The following URI1 variants were observed in gnomAD, a reference collection of about 807,000 sequenced individuals.
URI1 encodes unconventional prefoldin RPB5 interactor 1.
Under a neutral mutation model 60.2 loss-of-function variants are expected in URI1, and 39 were observed. That is an observed-to-expected ratio of 0.65 (90% CI 0.50 to 0.85). The LOEUF (loss-of-function observed/expected upper bound fraction) is 0.85, where lower values mean the gene tolerates loss of function less well. Ranked by LOEUF, URI1 falls within the 40% of genes least tolerant of loss-of-function variation. The pLI is 0.00. For missense variants in URI1, 691 were observed against 665.9 expected (o/e 1.04, Z -0.42); for synonymous variants, 251 against 236.8 (o/e 1.06, Z -0.55).
chr19:29,959,101 C>T (rs1362274008), intron 1 of URI1, among the ~76,000 whole-genome samples: 2 of 152,086 alleles, frequency 1.3e-5, no homozygotes, highest in Non-Finnish European at 2.9e-5. Flanking sequence ...AGTTTATACA[C>T]TGTTGTTATT....
intron 4 of URI1, among the ~76,000 whole-genome samples, chr19:29,990,764 G>A (rs146590057): frequency 1.1e-3 from 165 of 152,232 alleles, no homozygotes; most frequent in African/African-American, 2.6e-3. Flanking sequence ...ATTTTTAGGG[G>A]CAATGAAAAT....
intron 6 of URI1, among the ~76,000 whole-genome samples, chr19:30,006,250 A>G (rs925668138): frequency 6.6e-6 from 1 of 152,140 alleles, no homozygotes; most frequent in South Asian, 2.1e-4. Context: ...CTGTAAAGCC[A>G]ATGGTTCCTT....
chr19:29,954,693 T>C (rs1468551497), intron 1 of URI1, among the ~76,000 whole-genome samples: 1 of 151,884 alleles, frequency 6.6e-6, no homozygotes, highest in African/African-American at 2.4e-5. Context: ...TTAAAAAATA[T>C]TTTTAGTAGA....
chr19:29,977,646 T>C (rs2055542007), intron 2 of URI1, among the ~76,000 whole-genome samples: 1 of 150,224 alleles, frequency 6.7e-6, no homozygotes, highest in Non-Finnish European at 1.5e-5. Flanking sequence ...TTGGAGTTTC[T>C]GTAGTTGTTT....
At chr19:29,958,462 A>C (rs1458232320) in intron 1 of URI1, among the ~76,000 whole-genome samples, 22 of 152,192 alleles carry the variant, frequency 1.4e-4, no homozygotes, top group Non-Finnish European at 1.5e-5. Context: ...ATGTTTCTTG[A>C]GATAACAATA....
chr19:30,008,965 A>G, intron 7 of URI1, 40 bp from the exon 8 acceptor site: 1 of 1,437,306 alleles, frequency 7.0e-7, no homozygotes, highest in African/African-American at 1.4e-5. Flanking sequence ...GTAAAATTCT[A>G]GTATGTTTGT....
rs750109087 is a variant in URI1, at chr19:30,015,077, C to T, written c.*8C>T. ...TTGCAACAGAAAGACTAGGCCCTGT[C>T]TAGGAAATGGGAATTTACATCCTAA... is the stretch of plus-strand genomic sequence containing the variant. On this transcript the variant is annotated 3_prime_UTR_variant, in exon 11 of 11. Transcript: ENST00000392271. 1.9e-6 allele frequency: 3 copies of T among 1,608,136 alleles called. No individual in the cohort carries two copies. The African/African-American group carries it at 4.0e-5, about 22-fold the overall frequency.
At position 30,015,049 on chromosome 19, in the gene URI1, A is replaced by G; in HGVS notation, c.1588A>G (p.Arg530Gly). 4 of 1,613,506 alleles carry G rather than the reference A, an allele frequency of 2.5e-6. No individual in the cohort carries two copies. Among genetic ancestry groups the G allele is most frequent in the Non-Finnish European group, 3.4e-6 (4 of 1,179,606 alleles). The change falls in exon 11 of 11, where the codon AGA becomes GGA. Residue 530 changes from arginine (R) to glycine (G), a missense_variant. Coordinates refer to ENST00000392271, the MANE Select transcript of URI1 (RefSeq NM_003796.3). ...GKRVSKFKAA[R>G]LQQKD ...GAGGGTTTCAAAGTTTAAAGCTGCC[A>G]GATTGCAACAGAAAGACTAGGCCCT...
chr19:29,970,378 A>G (rs2055444428), intron 1 of URI1, among the ~76,000 whole-genome samples: 3 of 152,024 alleles, frequency 2.0e-5, no homozygotes, highest in African/African-American at 7.2e-5. Context: ...GTAATTTAAA[A>G]GTAGATAATT....
chr19:29,962,987 C>G (rs1034740009), intron 1 of URI1, among the ~76,000 whole-genome samples: 1 of 152,170 alleles, frequency 6.6e-6, no homozygotes, highest in African/African-American at 2.4e-5. Flanking sequence ...CTTGTCACTC[C>G]TTTGAAGGCT....
chr19:29,996,548 T>C (rs2055815407), intron 4 of URI1, among the ~76,000 whole-genome samples: 1 of 152,032 alleles, frequency 6.6e-6, no homozygotes, highest in Admixed American at 6.6e-5. Flanking sequence ...TATCATATGT[T>C]GGTAGTAGAG....
At chr19:29,968,733 G>A (rs189711466) in intron 1 of URI1, among the ~76,000 whole-genome samples, 118 of 151,078 alleles carry the variant, frequency 7.8e-4, no homozygotes, top group Non-Finnish European at 1.2e-3. Flanking sequence ...CACCATGCCC[G>A]GCCATTTTTT....
At chr19:29,964,269 A>G (rs1311615034) in intron 1 of URI1, among the ~76,000 whole-genome samples, 2 of 152,098 alleles carry the variant, frequency 1.3e-5, no homozygotes, top group East Asian at 1.9e-4. Flanking sequence ...TTAAAGAGAT[A>G]ATTTTTGTAT....
At chr19:30,003,851 T>C (rs1323874463) in intron 4 of URI1, among the ~76,000 whole-genome samples, 1 of 152,100 alleles carries the variant, frequency 6.6e-6, no homozygotes, top group East Asian at 1.9e-4. Context: ...TTTGACCTCC[T>C]ACCTAAAATA....
intron 1 of URI1, among the ~76,000 whole-genome samples, chr19:29,960,925 C>T (rs1437541104): frequency 2.6e-5 from 4 of 152,046 alleles, no homozygotes; most frequent in Non-Finnish European, 5.9e-5. Context: ...ATGGTCATAG[C>T]TCACTGCAAC....
chr19:30,004,418 T>G (rs1298073259), intron 4 of URI1: 14 of 152,046 alleles, frequency 9.2e-5, no homozygotes, highest in Non-Finnish European at 2.1e-4. Context: ...TTTTAACTGC[T>G]TAGACCTTTG....
upstream of URI1, among the ~76,000 whole-genome samples, chr19:29,938,748 C>A (rs2054995048): frequency 6.6e-6 from 1 of 152,064 alleles, no homozygotes; most frequent in South Asian, 2.1e-4. Flanking sequence ...ACCATCTCGG[C>A]TCACTGCAAG....
At chr19:29,966,621 A>G (rs1360214608) in intron 1 of URI1, among the ~76,000 whole-genome samples, 3 of 152,216 alleles carry the variant, frequency 2.0e-5, no homozygotes, top group African/African-American at 7.2e-5. Context: ...AATGATATTT[A>G]TACATCTACT....
intron 2 of URI1, among the ~76,000 whole-genome samples, chr19:29,980,922 CAAAAAAAAAAA>C (rs5827686): frequency 8.7e-5 from 6 of 68,598 alleles, no homozygotes; most frequent in Non-Finnish European, 1.8e-4. Context: ...ACTCCATCTC[CAAAAAAAAAAA>C]AAAAAAAAAA....
Sources: gnomAD v4.1 joint callset for allele counts (sites outside exome capture counted in the v4.1 genomes callset) on GRCh38, gnomAD v4.1.1 for gene constraint, MANE v1.5 for transcripts, NCBI Gene and HGNC (gene_info 2026-07-23, HGNC 2026-07-21) for gene names.